Variants in PTPRD observed in about 807,000 individuals in gnomAD.
PTPRD encodes protein tyrosine phosphatase receptor type D, also known as receptor-type tyrosine-protein phosphatase delta.
PTPRD carries 34 observed loss-of-function variants against 214.5 expected under a neutral mutation model. That is an observed-to-expected ratio of 0.16 (90% CI 0.12 to 0.21). PTPRD has a LOEUF of 0.21. PTPRD is among the 10% of genes least tolerant of loss of function. PTPRD has a pLI of 1.00. For synonymous variants in PTPRD, 1,128 were observed against 845.7 expected (o/e 1.33, Z -5.79); for missense variants, 2,545 against 2,398.7 (o/e 1.06, Z -1.27).
chr9:10,371,631 C>G (rs2097621745), intron 2 of PTPRD, among the ~76,000 whole-genome samples: 2 of 152,008 alleles, frequency 1.3e-5, no homozygotes, highest in South Asian at 4.1e-4. Flanking sequence ...CCAACTCTCC[C>G]TCTTGTCACA....
rs147781347 is a variant in PTPRD at position 8,715,464 on chromosome 9, C to T, written c.64+18316G>A. On this transcript the variant is annotated intron_variant, in intron 12 of 45. Transcript: ENST00000381196. ...GTAGGTGTAGAATATATAGAAGCTG[C>T]ATAAAATTAAAAAATATATATGCTC... Among the ~76,000 whole-genome samples, 1,021 of 152,272 alleles carry T rather than the reference C, an allele frequency of 6.7e-3. 27 individuals are homozygous for T. The highest frequency in any genetic ancestry group is 0.044 in the Admixed American group (667 of 15,302).
At chr9:8,868,263 G>T (rs982032785) in intron 11 of PTPRD, among the ~76,000 whole-genome samples, 2 of 152,114 alleles carry the variant, frequency 1.3e-5, no homozygotes, top group Admixed American at 6.6e-5. Flanking sequence ...AGAGTGGCAC[G>T]ATCTCAGCTA....
chr9:8,344,405 T>G (rs1169003665), intron 39 of PTPRD, among the ~76,000 whole-genome samples: 2 of 151,846 alleles, frequency 1.3e-5, no homozygotes, highest in Admixed American at 1.3e-4. Flanking sequence ...GCAAAATTGG[T>G]AGGAATAACT....
At chr9:8,564,559 A>C (rs1484471749) in intron 14 of PTPRD, among the ~76,000 whole-genome samples, 2 of 152,062 alleles carry the variant, frequency 1.3e-5, no homozygotes, top group Non-Finnish European at 2.9e-5. Flanking sequence ...AAAATTAGCC[A>C]GATGTGGTAG....
chr9:9,402,473 A>T (rs1248671343), intron 8 of PTPRD, among the ~76,000 whole-genome samples: 1 of 152,114 alleles, frequency 6.6e-6, no homozygotes, highest in Non-Finnish European at 1.5e-5. Context: ...TCATACATTT[A>T]ATCACCAAAT....
chr9:9,939,153 C>T (rs887885911), intron 4 of PTPRD, among the ~76,000 whole-genome samples: 25 of 152,018 alleles, frequency 1.6e-4, no homozygotes, highest in East Asian at 9.6e-4. Flanking sequence ...TTTTCTCAAA[C>T]GCACCAGAGT....
intron 8 of PTPRD, among the ~76,000 whole-genome samples, chr9:9,496,420 A>T (rs1412956976): frequency 1.3e-5 from 2 of 152,158 alleles, no homozygotes; most frequent in Admixed American, 1.3e-4. Context: ...GAACTGAAAT[A>T]GACATTTCTC....
rs369686972 is a variant in PTPRD at position 10,060,897 on chromosome 9, CTTCTTTCTTTCTTTCTTTCT to C, written c.-544-27127_-544-27108del. On this transcript the variant is annotated intron_variant, in intron 3 of 45. Coordinates refer to ENST00000381196, the MANE Select transcript of PTPRD (RefSeq NM_002839.4). The stretch of plus-strand genomic sequence containing the variant: ...CCTTCCTTCCTTCCTTCCTTCCTTC[CTTCTTTCTTTCTTTCTTTCT>C]TTCTTTCTTTCTTTCTTTCTTTCTT... Among the ~76,000 whole-genome samples the C allele has an allele frequency of 6.7e-4, 47 of 70,578 alleles. 1 individual carries two copies. Among genetic ancestry groups the C allele is most frequent in the East Asian group, 1.5e-3 (3 of 2,044 alleles). The allele number at this position is 70,578 out of a possible 152,430, so 46.3% of individuals were successfully genotyped here.
In PTPRD at chr9:10,431,859, A is replaced by T. The variant is rs1018566603; in HGVS notation, c.-599-90842T>A. On this transcript the variant is annotated intron_variant, in intron 2 of 45. Coordinates refer to ENST00000381196, the MANE Select transcript of PTPRD (RefSeq NM_002839.4). ...GGTGGGACTGTAAACTAGTTCAACC[A>T]TTGTGGAAGACAGTGTGGTGATTCC... is the stretch of plus-strand genomic sequence containing the variant. Among the ~76,000 whole-genome samples, 16 of 152,218 alleles carry T rather than the reference A, an allele frequency of 1.1e-4. No homozygotes were observed. In the East Asian group the frequency reaches 1.2e-3, roughly 11 times the overall value.
At chr9:8,677,947 C>G (rs1005391139) in intron 12 of PTPRD, among the ~76,000 whole-genome samples, 3 of 152,072 alleles carry the variant, frequency 2.0e-5, no homozygotes, top group Non-Finnish European at 4.4e-5. Context: ...GTATCTCAGC[C>G]TCTGCTGGTG....
intron 7 of PTPRD, among the ~76,000 whole-genome samples, chr9:9,623,060 G>A (rs1377362938): frequency 2.0e-5 from 3 of 152,122 alleles, no homozygotes; most frequent in African/African-American, 7.2e-5. Flanking sequence ...ATTGGGCTGG[G>A]GAGACATAGC....
chr9:9,086,024 T>A (rs2099766586), intron 10 of PTPRD, among the ~76,000 whole-genome samples: 1 of 152,208 alleles, frequency 6.6e-6, no homozygotes, highest in Admixed American at 6.5e-5. Flanking sequence ...ACACATATAA[T>A]TTACTGATAT....
chr9:9,354,617 C>T (rs1272500370), intron 9 of PTPRD, among the ~76,000 whole-genome samples: 12 of 151,638 alleles, frequency 7.9e-5, no homozygotes, highest in East Asian at 3.9e-4. Context: ...TATTGGAGAG[C>T]GATAGATAAT....
intron 3 of PTPRD, among the ~76,000 whole-genome samples, chr9:10,125,486 G>C (rs2098811008): frequency 7.1e-6 from 1 of 140,012 alleles, no homozygotes; most frequent in South Asian, 2.2e-4. Context: ...ACAGCGTCTT[G>C]CTCTGTTCCC....
At chr9:8,916,882 T>C (rs559714193) in intron 11 of PTPRD, among the ~76,000 whole-genome samples, 1 of 152,272 alleles carries the variant, frequency 6.6e-6, no homozygotes, top group African/African-American at 2.4e-5. Context: ...AGCACATGAC[T>C]AAATCTTTCT....
In PTPRD at chr9:8,485,619, G is replaced by A. The variant is rs1174984618; in HGVS notation, c.3055+143C>T. On this transcript the variant is annotated intron_variant, in intron 28 of 45. Transcript: ENST00000381196. ...TGAAATCTAAGGCATCCAAGACGTA[G>A]TAAGTTTTACATACTTTACCTTTTT... 3 of 767,718 alleles carry A rather than the reference G, an allele frequency of 3.9e-6. No homozygotes were observed. In the South Asian group the frequency reaches 5.8e-5, roughly 15 times the overall value. 47.6% of individuals were successfully genotyped at this position (767,718 alleles called of 1,614,324 possible). A position where few individuals can be genotyped will look rare whatever the true frequency, so the allele number is the denominator to read the frequency against.
At chr9:10,087,714 A>G (rs1282033849) in intron 3 of PTPRD, among the ~76,000 whole-genome samples, 1 of 151,758 alleles carries the variant, frequency 6.6e-6, no homozygotes, top group Non-Finnish European at 1.5e-5. Flanking sequence ...ATAACTGAAT[A>G]TACTAATAGA....
chr9:9,770,902 G>T (rs1194486586), intron 5 of PTPRD, among the ~76,000 whole-genome samples: 1 of 152,142 alleles, frequency 6.6e-6, no homozygotes, highest in East Asian at 1.9e-4. Flanking sequence ...TGCTTTAAAA[G>T]AGAGGTCTAT....
intron 5 of PTPRD, among the ~76,000 whole-genome samples, chr9:9,775,954 CAAAAAAAAA>C (rs59412193): frequency 3.5e-5 from 1 of 28,920 alleles, no homozygotes; most frequent in Non-Finnish European, 5.9e-5. Flanking sequence ...GACTCTGTCT[CAAAAAAAAA>C]AAAAAAAAAA....
Sources: allele counts gnomAD v4.1 joint callset (sites outside exome capture counted in the v4.1 genomes callset), GRCh38; gene constraint gnomAD v4.1.1; transcripts MANE v1.5; gene names NCBI Gene and HGNC (gene_info 2026-07-23, HGNC 2026-07-21).